CFTR: variants seen among roughly 807,000 people sequenced by gnomAD.
CFTR encodes the protein cystic fibrosis transmembrane conductance regulator.
CFTR carries 181 observed loss-of-function variants against 171.6 expected under a neutral mutation model. The ratio of observed to expected loss-of-function variants is 1.05; its 90% CI spans 0.93 to 1.19. The LOEUF (loss-of-function observed/expected upper bound fraction) is 1.19. Among genes scored for constraint, CFTR ranks in the 50% most tolerant of loss-of-function variants. The pLI is 0.00. For missense variants in CFTR, 1,968 were observed against 1,734.7 expected, an observed-to-expected ratio of 1.13 and a Z score of -2.39; for synonymous variants, 583 against 608.0, an observed-to-expected ratio of 0.96 and a Z score of 0.60.
In CFTR at chr7:117,641,899, C is replaced by T. The variant is rs375316851; in HGVS notation, c.3718-539C>T. ...ATTCACTGAGGAGTGGTAAGGCCTTCGCCCAACCTGCCTTCTCTGGGAATA... is the reference window on the plus strand; with the variant it reads ...ATTCACTGAGGAGTGGTAAGGCCTTTGCCCAACCTGCCTTCTCTGGGAATA... On this transcript the variant is annotated intron_variant, in intron 22 of 26. Coordinates refer to ENST00000003084, the MANE Select transcript of CFTR (RefSeq NM_000492.4). Among the ~76,000 whole-genome samples, 9 of 152,314 alleles carry T rather than the reference C, an allele frequency of 5.9e-5. No homozygotes were observed. The East Asian group carries it at 9.7e-4, about 16-fold the overall frequency.
intron 22 of CFTR, among the ~76,000 whole-genome samples, chr7:117,637,221 T>TG (rs1450611109): frequency 1.7e-4 from 19 of 110,680 alleles, no homozygotes; most frequent in African/African-American, 9.8e-4. Context: ...TTTCAAATGG[T>TG]GTTTTTTTTT....
At chr7:117,627,914 G>A (rs1327441024) in intron 22 of CFTR, 144 bp downstream of exon 22, 6 of 838,688 alleles carry the variant, frequency 7.2e-6, no homozygotes, top group Non-Finnish European at 1.2e-5. Context: ...TTTATTATAT[G>A]GAGTCATTAT....
At chr7:117,595,171 A>ATG in intron 15 of CFTR, 113 bp downstream of exon 15, 4 of 771,708 alleles carry the variant, frequency 5.2e-6, no homozygotes, top group Non-Finnish European at 8.8e-6. Context: ...ACATGTATAC[A>ATG]TGTATAAGTA....
In CFTR at chr7:117,611,704, A is replaced by G. The variant is rs1199667380; in HGVS notation, c.3263A>G (p.Asn1088Ser). ...AAAGCTCTGAATTTACATACTGCCA[A>G]CTGGTTCTTGTACCTGTCAACACTG... is the stretch of plus-strand genomic sequence containing the variant. ...FHKALNLHTA[N>S]WFLYLSTLRW... The change falls in exon 20 of 27, where the codon AAC becomes AGC. Residue 1088 changes from asparagine to serine, a missense_variant. Physicochemically the swap from Asn to Ser is conservative, Grantham distance 46 (BLOSUM62 1). Transcript: ENST00000003084. 4 of 1,613,654 alleles carry G rather than the reference A, an allele frequency of 2.5e-6. No homozygotes were observed. The highest frequency in any genetic ancestry group is 4.5e-5 in the East Asian group (2 of 44,846).
chr7:117,660,231 T>C (rs1793249777), intron 24 of CFTR, among the ~76,000 whole-genome samples: 2 of 152,192 alleles, frequency 1.3e-5, no homozygotes, highest in African/African-American at 4.8e-5. Flanking sequence ...ATTGGAAAAC[T>C]TTAGATTCTA....
At chr7:117,652,323 C>CTTGG (rs1218630963) in intron 23 of CFTR, among the ~76,000 whole-genome samples, 1 of 152,060 alleles carries the variant, frequency 6.6e-6, no homozygotes, top group Non-Finnish European at 1.5e-5. Flanking sequence ...AGAGTTGTGC[C>CTTGG]TTGGTTTATA....
chr7:117,569,448 T>C (rs760390049), intron 11 of CFTR, among the ~76,000 whole-genome samples: 2 of 152,014 alleles, frequency 1.3e-5, no homozygotes, highest in Non-Finnish European at 2.9e-5. Context: ...AATAAAGAGA[T>C]GATAACCCGA....
At position 117,480,153 on chromosome 7, in the gene CFTR, A is replaced by G; in HGVS notation, c.53+6A>G. Reference sequence around the variant, plus strand: ...GTCTCCAAACTTTTTTTCAGGTGAGAAGGTGGCCAACCGAGCTTCGGAAAG... The same window carrying G: ...GTCTCCAAACTTTTTTTCAGGTGAGGAGGTGGCCAACCGAGCTTCGGAAAG... On this transcript the variant is annotated splice_donor_region_variant and intron_variant, in intron 1 of 26. Coordinates refer to ENST00000003084, the MANE Select transcript of CFTR (RefSeq NM_000492.4). 6.2e-7 allele frequency: 1 copy of G among 1,613,676 alleles called. No individual in the cohort carries two copies. The highest frequency in any genetic ancestry group is 1.1e-5 in the South Asian group (1 of 91,078).
Position 117,556,686 on chromosome 7 carries a change from AT to A in CFTR, c.1393-2772del, listed in dbSNP as rs1047348574. On this transcript the variant is annotated intron_variant, in intron 10 of 26. Coordinates refer to ENST00000003084, the MANE Select transcript of CFTR (RefSeq NM_000492.4). ...AGGCGCCCGCCACTACGCCCGGCTA[AT>A]TTTTTGTATTTTTAGTAGAGACGGG... Among the ~76,000 whole-genome samples the A allele has an allele frequency of 2.0e-5, 3 of 147,966 alleles. No individual in the cohort carries two copies. In the East Asian group the frequency reaches 6.0e-4, roughly 29 times the overall value.
chr7:117,590,557 C>A, intron 13 of CFTR, 118 bp downstream of exon 13: 3 of 1,243,230 alleles, frequency 2.4e-6, no homozygotes, highest in Non-Finnish European at 2.2e-6. Context: ...GTTGGTATGG[C>A]AGAATGTAGC....
chr7:117,504,197 A>G, intron 1 of CFTR, 56 bp from the exon 2 acceptor site: 5 of 1,035,956 alleles, frequency 4.8e-6, no homozygotes, highest in Non-Finnish European at 7.7e-6. Flanking sequence ...ATCAGATTCC[A>G]AATCTGTATG....
At chr7:117,516,682 G>T (rs1798600606) in intron 3 of CFTR, among the ~76,000 whole-genome samples, 3 of 152,010 alleles carry the variant, frequency 2.0e-5, no homozygotes, top group Admixed American at 1.3e-4. Flanking sequence ...ATTTTTGTGG[G>T]TACATAGTAG....
intron 11 of CFTR, among the ~76,000 whole-genome samples, chr7:117,577,259 G>T (rs952849248): frequency 1.3e-5 from 2 of 152,102 alleles, no homozygotes; most frequent in Non-Finnish European, 2.9e-5. Flanking sequence ...GGGAGGTGAG[G>T]CTGAAGAAAT....
intron 15 of CFTR, among the ~76,000 whole-genome samples, chr7:117,599,369 T>C (rs571684388): frequency 3.3e-5 from 5 of 152,170 alleles, no homozygotes; most frequent in Non-Finnish European, 7.4e-5. Context: ...TTTAAAATGG[T>C]ATATACTTAA....
At chr7:117,491,826 T>C (rs1437113963) in intron 1 of CFTR, among the ~76,000 whole-genome samples, 1 of 152,098 alleles carries the variant, frequency 6.6e-6, no homozygotes, top group Non-Finnish European at 1.5e-5. Flanking sequence ...CATACCTTTT[T>C]TTGGGGAAAC....
rs387906360 is a variant in CFTR, at chr7:117,540,248, A to ATC, written c.1021_1022dup (p.Phe342HisfsTer28). 137 of 1,614,034 alleles carry ATC rather than the reference A, an allele frequency of 8.5e-5. No individual in the cohort carries two copies. The highest frequency in any genetic ancestry group is 1.1e-4 in the Non-Finnish European group (131 of 1,180,008). On this transcript the variant is annotated frameshift_variant, in exon 8 of 27. Coordinates refer to ENST00000003084, the MANE Select transcript of CFTR (RefSeq NM_000492.4). LOFTEE classifies it high-confidence loss of function. ...CATCCTCCGGAAAATATTCACCACC[A>ATC]TCTCATTCTGCATTGTTCTGCGCAT...
intron 1 of CFTR, among the ~76,000 whole-genome samples, chr7:117,492,636 C>A (rs562664202): frequency 4.6e-5 from 7 of 151,902 alleles, no homozygotes; most frequent in Admixed American, 3.9e-4. Flanking sequence ...ATGCTGGGCA[C>A]AGGGGATACA....
Position 117,641,084 on chromosome 7 carries a change from T to C in CFTR, c.3718-1354T>C, listed in dbSNP as rs1282495742. On this transcript the variant is annotated intron_variant, in intron 22 of 26. Transcript: ENST00000003084. ...CAGAGTATTGTACTTAACATTTGAT[T>C]GATCTGATTTTCTCAGTTGTCTGAG... 2.0e-5 allele frequency among the ~76,000 whole-genome samples: 3 copies of C among 152,282 alleles called. No homozygotes were observed. The East Asian group carries it at 5.8e-4, about 29-fold the overall frequency.
At chr7:117,500,999 G>C (rs1180410217) in intron 1 of CFTR, among the ~76,000 whole-genome samples, 1 of 152,116 alleles carries the variant, frequency 6.6e-6, no homozygotes, top group Non-Finnish European at 1.5e-5. Context: ...TTATGGGAAA[G>C]GTCACTGGGT....
Sources: allele counts gnomAD v4.1 joint callset (sites outside exome capture counted in the v4.1 genomes callset), GRCh38; gene constraint gnomAD v4.1.1; transcripts MANE v1.5; gene names NCBI Gene and HGNC (gene_info 2026-07-23, HGNC 2026-07-21).